The following PHF24 variants were observed in gnomAD, a reference collection of about 807,000 sequenced individuals.
PHF24 encodes the protein PHD finger protein 24, also known as Galpha inhibitory interacting protein.
PHF24 carries 25 observed loss-of-function variants against 42.6 expected under a neutral mutation model. That is an observed-to-expected ratio of 0.59 (90% CI 0.43 to 0.82). The LOEUF (loss-of-function observed/expected upper bound fraction) is 0.82. Ranked by LOEUF, PHF24 falls within the 40% of genes least tolerant of loss-of-function variation. PHF24 has a pLI of 0.00. For synonymous variants in PHF24, 185 were observed against 204.8 expected (o/e 0.90, Z 0.83); for missense variants, 470 against 538.1 (o/e 0.87, Z 1.25).
chr9:34,690,116 G>T, the PHF24 span: 1 of 1,587,390 alleles, frequency 6.3e-7, no homozygotes, highest in East Asian at 2.2e-5. Flanking sequence ...CCTTGAAGGG[G>T]TTGGGCTTGG....
chr9:34,967,586 C>T (rs1826823203), intron 1 of PHF24, among the ~76,000 whole-genome samples: 1 of 152,130 alleles, frequency 6.6e-6, no homozygotes, highest in South Asian at 2.1e-4. Flanking sequence ...GAAGAATTAT[C>T]TGTCAGTTTT....
chr9:34,744,352 T>C, the PHF24 span, among the ~76,000 whole-genome samples: 204 of 152,314 alleles, frequency 1.3e-3, no homozygotes, highest in Middle Eastern at 6.8e-3. Flanking sequence ...AAAGATGTAA[T>C]GCACAAAAAT....
the PHF24 span, chr9:34,723,213 C>G: frequency 1.3e-6 from 2 of 1,547,012 alleles, no homozygotes; most frequent in South Asian, 2.4e-5. Context: ...ATGTTTCTAT[C>G]TGAGGTGAGG....
chr9:34,798,607 C>T, the PHF24 span, among the ~76,000 whole-genome samples: 2,394 of 152,290 alleles, frequency 0.016, 54 homozygotes, highest in East Asian at 0.092. Flanking sequence ...TATTTATCCA[C>T]TCCACCAGTG....
the PHF24 span, among the ~76,000 whole-genome samples, chr9:34,700,728 C>A: frequency 1.3e-5 from 2 of 152,040 alleles, no homozygotes; most frequent in Non-Finnish European, 2.9e-5. Context: ...ATGAGGTCAC[C>A]AAGAGAGTGA....
chr9:34,904,596 CT>C, the PHF24 span, among the ~76,000 whole-genome samples: 2 of 151,544 alleles, frequency 1.3e-5, no homozygotes, highest in Non-Finnish European at 2.9e-5. Context: ...GGTGGATTAT[CT>C]TTTTGATATG....
At chr9:34,952,436 G>GT in the PHF24 span, among the ~76,000 whole-genome samples, 1 of 152,206 alleles carries the variant, frequency 6.6e-6, no homozygotes, top group Non-Finnish European at 1.5e-5. Flanking sequence ...TAAGATGACA[G>GT]TTTTTTCCCA....
At chr9:34,734,572 C>T in the PHF24 span, among the ~76,000 whole-genome samples, 11 of 152,144 alleles carry the variant, frequency 7.2e-5, no homozygotes, top group African/African-American at 1.4e-4. Context: ...TAAGTCCTGT[C>T]GTGAGGCCAT....
the PHF24 span, among the ~76,000 whole-genome samples, chr9:34,705,480 C>T: frequency 2.0e-5 from 3 of 152,082 alleles, no homozygotes; most frequent in African/African-American, 7.2e-5. Context: ...CAGACGAGGT[C>T]TCATTGTGTT....
At chr9:34,976,988 G>A in intron 5 of PHF24, 95 bp from the exon 6 acceptor site, 2 of 1,377,640 alleles carry the variant, frequency 1.5e-6, no homozygotes, top group Non-Finnish European at 2.0e-6. Context: ...AGCTTCTAAG[G>A]GAGGTTGCAA....
the PHF24 span, among the ~76,000 whole-genome samples, chr9:34,782,828 A>G: frequency 6.6e-6 from 1 of 152,144 alleles, no homozygotes; most frequent in Admixed American, 6.6e-5. Context: ...ATGGGGTAGG[A>G]TGAGGGATGG....
chr9:34,742,619 A>G, the PHF24 span, among the ~76,000 whole-genome samples: 1 of 152,082 alleles, frequency 6.6e-6, no homozygotes, highest in Non-Finnish European at 1.5e-5. Flanking sequence ...TTATAGAGAC[A>G]GGGTCTCTCT....
the PHF24 span, among the ~76,000 whole-genome samples, chr9:34,886,746 A>ATCTG: frequency 0.012 from 1,457 of 119,954 alleles, 21 homozygotes; most frequent in South Asian, 0.057. Context: ...ATATCTATCT[A>ATCTG]TCTATCTATC....
At chr9:34,670,270 C>T in the PHF24 span, among the ~76,000 whole-genome samples, 41 of 152,288 alleles carry the variant, frequency 2.7e-4, no homozygotes, top group African/African-American at 8.7e-4. Flanking sequence ...TCAAAACTGA[C>T]GGGTTTTGGG....
At chr9:34,716,886 G>A in the PHF24 span, among the ~76,000 whole-genome samples, 1 of 152,218 alleles carries the variant, frequency 6.6e-6, no homozygotes, top group African/African-American at 2.4e-5. Flanking sequence ...TGGGATTACA[G>A]GTGTGAGTCA....
the PHF24 span, chr9:34,833,432 T>C: frequency 6.5e-7 from 1 of 1,550,380 alleles, no homozygotes; most frequent in Non-Finnish European, 8.7e-7. Context: ...GTGAACCCCT[T>C]CTGGATTAGG....
the PHF24 span, among the ~76,000 whole-genome samples, chr9:34,791,108 A>C: frequency 1.3e-5 from 2 of 152,270 alleles, no homozygotes; most frequent in Non-Finnish European, 2.9e-5. Flanking sequence ...ATGTTTTAAA[A>C]GAACCACCCT....
the PHF24 span, among the ~76,000 whole-genome samples, chr9:34,857,971 G>GTTTTTTTTTTTTTTTTTTCTTTTTTTTTT: frequency 9.1e-6 from 1 of 109,806 alleles, no homozygotes; most frequent in Non-Finnish European, 1.8e-5. Flanking sequence ...TTGTTTCTCT[G>GTTTTTTTTTTTTTTTTTTCTTTTTTTTTT]GTTTTTTTTT....
upstream of PHF24, chr9:34,957,844 GGCGCGGAACGCGAGCGGTGAGCGGCCCCA>G (rs1270883785): frequency 4.3e-5 from 6 of 138,832 alleles, no homozygotes; most frequent in Non-Finnish European, 9.4e-5. Context: ...CCCAACCCCC[GGCGCGGAACGCGAGCGGTGAGCGGCCCCA>G]GCGCCCCCAA....
Sources: allele counts gnomAD v4.1 joint callset (sites outside exome capture counted in the v4.1 genomes callset), GRCh38; gene constraint gnomAD v4.1.1; transcripts MANE v1.5; gene names NCBI Gene and HGNC (gene_info 2026-07-23, HGNC 2026-07-21).